Variants in TMEM14A observed in about 807,000 individuals in gnomAD.
TMEM14A encodes transmembrane protein 14A.
In TMEM14A, 8 loss-of-function variants were observed where a neutral mutation model predicts 11.6. That is an observed-to-expected ratio of 0.69 (90% CI 0.40 to 1.24). TMEM14A has a LOEUF of 1.24. TMEM14A is among the 50% of genes most tolerant of loss of function. TMEM14A has a pLI of 0.01. For synonymous variants in TMEM14A, 34 were observed against 45.5 expected (o/e 0.75, Z 1.02); for missense variants, 108 against 121.9 (o/e 0.89, Z 0.54).
chr6:52,685,586 A>G (rs1426508991), intron 4 of TMEM14A, among the ~76,000 whole-genome samples: 3 of 135,894 alleles, frequency 2.2e-5, no homozygotes, highest in Non-Finnish European at 3.5e-5. Context: ...CTCCATCAGA[A>G]AAAAGAAAAA....
intron 2 of TMEM14A, among the ~76,000 whole-genome samples, chr6:52,677,544 A>G (rs1769281494): frequency 6.6e-6 from 1 of 152,084 alleles, no homozygotes; most frequent in Non-Finnish European, 1.5e-5. Flanking sequence ...GTGTGTTGTA[A>G]TGAAAACATT....
chr6:52,685,024 G>A (rs990034118), intron 4 of TMEM14A, among the ~76,000 whole-genome samples: 4 of 152,092 alleles, frequency 2.6e-5, no homozygotes, highest in South Asian at 2.1e-4. Flanking sequence ...ACATAATAAG[G>A]TATAAAAACA....
At chr6:52,671,786 A>G (rs1470752162) in intron 1 of TMEM14A, among the ~76,000 whole-genome samples, 1 of 152,210 alleles carries the variant, frequency 6.6e-6, no homozygotes, top group East Asian at 1.9e-4. Context: ...GCTGCATTGC[A>G]TCCAAGATGC....
intron 3 of TMEM14A, among the ~76,000 whole-genome samples, chr6:52,682,385 C>T (rs760226829): frequency 6.6e-6 from 1 of 152,068 alleles, no homozygotes; most frequent in African/African-American, 2.4e-5. Context: ...GGAGAATATC[C>T]ACAGAAAAAA....
intron 1 of TMEM14A, among the ~76,000 whole-genome samples, chr6:52,673,274 T>C (rs1769195141): frequency 1.3e-5 from 2 of 152,138 alleles, no homozygotes; most frequent in South Asian, 4.1e-4. Context: ...ATTTCTTGTC[T>C]ATGAAGAACA....
chr6:52,680,608 T>TATA (rs1698518554), intron 2 of TMEM14A, among the ~76,000 whole-genome samples: 1 of 130,600 alleles, frequency 7.7e-6, no homozygotes, highest in Non-Finnish European at 1.7e-5. Context: ...TATATATATA[T>TATA]ATATGTATAT....
rs371504929 is a variant in TMEM14A at position 52,680,689 on chromosome 6, ATG to A, written c.71-1122_71-1121del. ...TATGTGTATATATATATATACATATATGTATATATATATATACACATATATAT... is the reference window on the plus strand; with the variant it reads ...TATGTGTATATATATATATACATATATATATATATATATACACATATATAT... On this transcript the variant is annotated intron_variant, in intron 2 of 4. Coordinates refer to ENST00000211314, the MANE Select transcript of TMEM14A (RefSeq NM_014051.4). 2.3e-3 allele frequency among the ~76,000 whole-genome samples: 131 copies of A among 56,938 alleles called. 9 individuals are homozygous for A. The highest frequency in any genetic ancestry group is 0.015 in the South Asian group (21 of 1,446). 37.4% of individuals were successfully genotyped at this position (56,938 alleles called of 152,430 possible).
intron 2 of TMEM14A, among the ~76,000 whole-genome samples, chr6:52,680,022 G>A (rs1001558906): frequency 9.2e-5 from 14 of 151,896 alleles, no homozygotes; most frequent in African/African-American, 3.1e-4. Context: ...TCCTTATCTG[G>A]TATCTTCTGC....
At chr6:52,680,665 A>ATGTG (rs376209722) in intron 2 of TMEM14A, among the ~76,000 whole-genome samples, 1 of 47,208 alleles carries the variant, frequency 2.1e-5, no homozygotes, top group African/African-American at 6.6e-5. Context: ...GTGTATATAT[A>ATGTG]TGTGTATATA....
At chr6:52,675,620 T>C (rs150805140) in intron 1 of TMEM14A, among the ~76,000 whole-genome samples, 2 of 152,366 alleles carry the variant, frequency 1.3e-5, no homozygotes, top group Non-Finnish European at 2.9e-5. Flanking sequence ...AGGATGTCAT[T>C]GTCATCCATT....
At chr6:52,681,752 G>A in intron 2 of TMEM14A, 61 bp from the exon 3 acceptor site, 2 of 1,424,300 alleles carry the variant, frequency 1.4e-6, no homozygotes, top group South Asian at 1.2e-5. Context: ...TAGAAGTAAT[G>A]GAATGAATTC....
intron 2 of TMEM14A, among the ~76,000 whole-genome samples, chr6:52,679,240 C>T (rs1386423433): frequency 6.6e-6 from 1 of 152,124 alleles, no homozygotes; most frequent in African/African-American, 2.4e-5. Flanking sequence ...TGGGCTCACC[C>T]CTCCTCCCAG....
At chr6:52,677,332 C>G (rs1459678848) in intron 2 of TMEM14A, among the ~76,000 whole-genome samples, 160 bp downstream of exon 2, 1 of 152,120 alleles carries the variant, frequency 6.6e-6, no homozygotes, top group Admixed American at 6.5e-5. Context: ...GAAGAGGCTT[C>G]CGTGGGGCTG....
intron 3 of TMEM14A, 106 bp from the exon 4 acceptor site, chr6:52,683,972 C>T (rs1272260249): frequency 1.9e-6 from 2 of 1,027,376 alleles, no homozygotes; most frequent in South Asian, 1.6e-5. Flanking sequence ...CAGTACCTAT[C>T]CATAATAGTT....
At chr6:52,684,426 AAACTC>A (rs774635239) in intron 4 of TMEM14A, among the ~76,000 whole-genome samples, 12 of 152,194 alleles carry the variant, frequency 7.9e-5, no homozygotes, top group Non-Finnish European at 1.6e-4. Context: ...AGAGCTAACT[AAACTC>A]AGCCTCATTT....
In TMEM14A at chr6:52,671,634, TTA is replaced by T. The variant is rs1227727433; in HGVS notation, c.-17+393_-17+394del. On this transcript the variant is annotated intron_variant, in intron 1 of 4. Transcript: ENST00000211314. ...CCAAGAGCTCAAGGGTAGGTAATTG[TTA>T]TATCTTTAGCATGTGAAAATGCTTT... Among the ~76,000 whole-genome samples, 6 of 152,242 alleles carry T rather than the reference TTA, an allele frequency of 3.9e-5. No individual in the cohort carries two copies. The South Asian group carries it at 8.3e-4, about 21-fold the overall frequency.
intron 1 of TMEM14A, among the ~76,000 whole-genome samples, chr6:52,674,002 C>A (rs181488150): frequency 6.6e-6 from 1 of 152,294 alleles, no homozygotes; most frequent in Non-Finnish European, 1.5e-5. Context: ...TGTGCAGGCA[C>A]TGTTCTAAGT....
intron 2 of TMEM14A, among the ~76,000 whole-genome samples, chr6:52,678,860 TTCTAGTTTTGTAC>T (rs915435726): frequency 1.3e-5 from 2 of 152,214 alleles, no homozygotes; most frequent in African/African-American, 4.8e-5. Flanking sequence ...TAATACCTTT[TTCTAGTTTTGTAC>T]TCTAGTTTTG....
At chr6:52,678,747 G>C (rs1225874083) in intron 2 of TMEM14A, among the ~76,000 whole-genome samples, 1 of 152,148 alleles carries the variant, frequency 6.6e-6, no homozygotes, top group African/African-American at 2.4e-5. Context: ...ATGATGCATG[G>C]TACACATTTC....
Sources: allele counts gnomAD v4.1 joint callset (sites outside exome capture counted in the v4.1 genomes callset), GRCh38; gene constraint gnomAD v4.1.1; transcripts MANE v1.5; gene names NCBI Gene and HGNC (gene_info 2026-07-23, HGNC 2026-07-21).